The following HERC2 variants were observed in gnomAD, a reference collection of about 807,000 sequenced individuals.
The protein encoded by HERC2 is E3 ubiquitin-protein ligase HERC2.
In HERC2, 102 loss-of-function variants were observed where a neutral mutation model predicts 537.7. The ratio of observed to expected loss-of-function variants is 0.19; its 90% CI spans 0.16 to 0.22. The LOEUF (loss-of-function observed/expected upper bound fraction) is 0.22. Ranked by LOEUF, HERC2 falls within the 10% of genes least tolerant of loss-of-function variation. The pLI is 1.00. For missense variants in HERC2, 4,236 were observed against 6,198.2 expected, an observed-to-expected ratio of 0.68 and a Z score of 10.63; for synonymous variants, 2,224 against 2,466.2, an observed-to-expected ratio of 0.90 and a Z score of 2.91.
intron 68 of HERC2, among the ~76,000 whole-genome samples, chr15:28,167,055 C>A (rs1894214756): frequency 6.6e-6 from 1 of 152,148 alleles, no homozygotes; most frequent in South Asian, 2.1e-4. Context: ...GTGACAACCA[C>A]CACAGTAATA....
intron 2 of HERC2, among the ~76,000 whole-genome samples, chr15:28,300,964 T>TA (rs2076607389): frequency 6.6e-6 from 1 of 151,590 alleles, no homozygotes; most frequent in Non-Finnish European, 1.5e-5. Flanking sequence ...CTCTGTTTTT[T>TA]AAAGGACTAG....
intron 83 of HERC2, among the ~76,000 whole-genome samples, 195 bp downstream of exon 83, chr15:28,129,968 G>GT (rs1190973801): frequency 6.6e-6 from 1 of 151,936 alleles, no homozygotes; most frequent in Non-Finnish European, 1.5e-5. Context: ...TAGAGATGAT[G>GT]TTTACCGTGT....
intron 3 of HERC2, among the ~76,000 whole-genome samples, chr15:28,296,414 A>C (rs1001061546): frequency 4.6e-5 from 7 of 152,134 alleles, no homozygotes; most frequent in African/African-American, 1.7e-4. Context: ...CAGTGGTTGC[A>C]GTGAGCCAAA....
rs767118009 is a variant in HERC2 at position 28,141,486 on chromosome 15, G to A, written c.11961C>T (p.Pro3987=). The change falls in exon 78 of 93, where the codon CCC becomes CCT. Residue 3987 remains proline (P), a synonymous_variant. Transcript: ENST00000261609. ...TPCEALATLR[P]VQLIGGEQTL... Reference sequence around the variant, plus strand: ...TCTGTTCCCCTCCGATTAACTGCACGGGTCTGAGAGTTGCAAGGGCTTCAC... The same window carrying A: ...TCTGTTCCCCTCCGATTAACTGCACAGGTCTGAGAGTTGCAAGGGCTTCAC... The A allele has an allele frequency of 1.3e-5, 21 of 1,613,984 alleles. No individual in the cohort carries two copies. The highest frequency in any genetic ancestry group is 4.5e-5 in the East Asian group (2 of 44,884).
chr15:28,286,605 C>G (rs1377244401), intron 4 of HERC2, among the ~76,000 whole-genome samples: 1 of 152,160 alleles, frequency 6.6e-6, no homozygotes, highest in Non-Finnish European at 1.5e-5. Context: ...CAAACGGGAA[C>G]TTCATCATCT....
chr15:28,223,022 C>A (rs1489642704), intron 35 of HERC2, among the ~76,000 whole-genome samples: 1 of 152,138 alleles, frequency 6.6e-6, no homozygotes, highest in Non-Finnish European at 1.5e-5. Flanking sequence ...CTGTAATAAA[C>A]TATAGCCCTG....
Position 28,141,505 on chromosome 15 carries a change from G to A in HERC2, c.11942C>T (p.Ala3981Val). The A allele has an allele frequency of 1.2e-6, 2 of 1,614,140 alleles. No individual in the cohort carries two copies. The highest frequency in any genetic ancestry group is 1.1e-5 in the South Asian group (1 of 91,084). ...AKVKVPTPCE[A>V]LATLRPVQLI... ...CTGCACGGGTCTGAGAGTTGCAAGGGCTTCACAGGGAGTGGGAACTTTGAC... is the reference window on the plus strand; with the variant it reads ...CTGCACGGGTCTGAGAGTTGCAAGGACTTCACAGGGAGTGGGAACTTTGAC... Residue 3981 changes from alanine (A) to valine (V), a missense_variant, in exon 78 of 93, where the codon GCC (alanine) becomes GTC (valine). Ala to Val is a moderately conservative substitution (Grantham distance 64, BLOSUM62 0). Transcript: ENST00000261609.
At chr15:28,130,648 G>T in intron 81 of HERC2, 54 bp from the exon 82 acceptor site, 1 of 1,194,364 alleles carries the variant, frequency 8.4e-7, no homozygotes, top group Non-Finnish European at 1.3e-6. Context: ...CCTGCTGACT[G>T]CTATAACCAC....
intron 52 of HERC2, among the ~76,000 whole-genome samples, chr15:28,193,494 A>C (rs1897044819): frequency 6.6e-6 from 1 of 152,202 alleles, no homozygotes; most frequent in East Asian, 1.9e-4. Context: ...TAGGCCTAAC[A>C]CAAATGAAAG....
At chr15:28,245,714 G>T (rs1903641547) in intron 23 of HERC2, among the ~76,000 whole-genome samples, 167 bp downstream of exon 23, 1 of 150,904 alleles carries the variant, frequency 6.6e-6, no homozygotes, top group African/African-American at 2.4e-5. Flanking sequence ...ATACATATAT[G>T]ACCCAAATTT....
rs1241024206 is a variant in HERC2, at chr15:28,282,976, CGGGACGGGACTGGAT to C, written c.323-2704_323-2690del. Among the ~76,000 whole-genome samples the C allele has an allele frequency of 2.7e-5, 3 of 112,646 alleles. No homozygotes were observed. The East Asian group carries it at 8.3e-4, about 31-fold the overall frequency. 73.9% of individuals were successfully genotyped at this position (112,646 alleles called of 152,430 possible). A position where few individuals can be genotyped will look rare whatever the true frequency, so the allele number is the denominator to read the frequency against. ...TGGGAAGGGACAGGAAGGGATGGGACGGGACGGGACTGGATGGGACGGGATGGGAAGGGAAGAGAG... is the reference window on the plus strand; with the variant it reads ...TGGGAAGGGACAGGAAGGGATGGGACGGGACGGGATGGGAAGGGAAGAGAG... On this transcript the variant is annotated intron_variant, in intron 4 of 92. Transcript: ENST00000261609.
At chr15:28,119,287 CTA>C (rs1247078580) in intron 86 of HERC2, among the ~76,000 whole-genome samples, 3 of 151,698 alleles carry the variant, frequency 2.0e-5, no homozygotes, top group South Asian at 2.1e-4. Flanking sequence ...GTAATCTCAG[CTA>C]CTCAGGAGGG....
rs759246413 is a variant in HERC2, at chr15:28,191,976, C to A, written c.8436G>T (p.Ser2812=). 1 of 1,613,482 alleles carries A rather than the reference C, an allele frequency of 6.2e-7. No individual in the cohort carries two copies. Among genetic ancestry groups the A allele is most frequent in the Non-Finnish European group, 8.5e-7 (1 of 1,179,964 alleles). The change falls in exon 53 of 93, where the codon TCG becomes TCT. Residue 2812 remains serine (S), a synonymous_variant. Transcript: ENST00000261609. ...IDGSEPCWQS[S]GSQGKHWIRL... ...TAGATGCTACCTTTCCTTGCGACCCCGATGACTGCCAGCAGGGCTCGCTGC... is the reference window on the plus strand; with the variant it reads ...TAGATGCTACCTTTCCTTGCGACCCAGATGACTGCCAGCAGGGCTCGCTGC...
At chr15:28,255,454 A>C (rs1439206689) in intron 19 of HERC2, among the ~76,000 whole-genome samples, 2 of 152,258 alleles carry the variant, frequency 1.3e-5, no homozygotes, top group African/African-American at 4.8e-5. Flanking sequence ...CACAATACAC[A>C]CAACAGTGAG....
At chr15:28,263,267 TAG>T in intron 14 of HERC2, 98 bp from the exon 15 acceptor site, 4 of 1,328,756 alleles carry the variant, frequency 3.0e-6, no homozygotes, top group Non-Finnish European at 3.1e-6. Flanking sequence ...CACACTAATC[TAG>T]ACCACTCAGG....
At chr15:28,171,953 T>A (rs1306302554) in intron 65 of HERC2, among the ~76,000 whole-genome samples, 1 of 150,518 alleles carries the variant, frequency 6.6e-6, no homozygotes, top group East Asian at 1.9e-4. Context: ...CAGGTGCCTG[T>A]GGTCCCAGCA....
intron 59 of HERC2, among the ~76,000 whole-genome samples, chr15:28,178,545 A>G (rs1457505560): frequency 6.6e-6 from 1 of 152,014 alleles, no homozygotes; most frequent in Non-Finnish European, 1.5e-5. Flanking sequence ...CATTCCTCAG[A>G]GGCCTAGCAC....
intron 19 of HERC2, among the ~76,000 whole-genome samples, chr15:28,255,614 C>T (rs1399406424): frequency 2.0e-5 from 3 of 152,158 alleles, no homozygotes; most frequent in Admixed American, 6.5e-5. Context: ...GGGATCTTTC[C>T]GGGTAACGGG....
Position 28,212,397 on chromosome 15 carries a change from A to C in HERC2, c.6925+48T>G. On this transcript the variant is annotated intron_variant, in intron 43 of 92. Transcript: ENST00000261609. ...CATAAAAGAACACTGTACAAACGAC[A>C]CGAGTTTAAGACGGCAGCTATTTCA... The C allele has an allele frequency of 2.6e-6, 4 of 1,526,670 alleles. No individual in the cohort carries two copies. In the African/African-American group the frequency reaches 4.1e-5, roughly 16 times the overall value. 94.6% of individuals were successfully genotyped at this position (1,526,670 alleles called of 1,614,324 possible). A position where few individuals can be genotyped will look rare whatever the true frequency, so the allele number is the denominator to read the frequency against.
Sources: gnomAD v4.1 joint callset for allele counts (sites outside exome capture counted in the v4.1 genomes callset) on GRCh38, gnomAD v4.1.1 for gene constraint, MANE v1.5 for transcripts, NCBI Gene and HGNC (gene_info 2026-07-23, HGNC 2026-07-21) for gene names.